Variants in MAD1L1 observed in about 807,000 individuals in gnomAD.
The protein encoded by MAD1L1 is mitotic arrest deficient 1 like 1, also known as mitotic spindle assembly checkpoint protein MAD1.
In MAD1L1, 95 loss-of-function variants were observed where a neutral mutation model predicts 96.9. That is an observed-to-expected ratio of 0.98 (90% CI 0.83 to 1.16). MAD1L1 has a LOEUF of 1.16. Among genes scored for constraint, MAD1L1 ranks in the 50% most tolerant of loss-of-function variants. The pLI is 0.00. For missense variants in MAD1L1, 1,007 were observed against 954.4 expected (o/e 1.06, Z -0.73); for synonymous variants, 473 against 396.6 (o/e 1.19, Z -2.29).
chr7:2,010,335 C>T (rs937302543), intron 13 of MAD1L1, among the ~76,000 whole-genome samples: 2 of 152,152 alleles, frequency 1.3e-5, no homozygotes, highest in Non-Finnish European at 2.9e-5. Flanking sequence ...ACGGCCACTT[C>T]TGCCTAAATC....
At chr7:2,120,666 C>G (rs1028188406) in intron 11 of MAD1L1, among the ~76,000 whole-genome samples, 3 of 152,204 alleles carry the variant, frequency 2.0e-5, no homozygotes, top group African/African-American at 7.2e-5. Context: ...AACACAAAAC[C>G]AAGGCGTTTC....
intron 18 of MAD1L1, among the ~76,000 whole-genome samples, chr7:1,827,695 G>A (rs1429377739): frequency 3.9e-5 from 3 of 76,368 alleles, no homozygotes; most frequent in African/African-American, 8.1e-5. Flanking sequence ...TCCTGAGCCC[G>A]TCCCGGGTGT....
chr7:2,198,990 T>C (rs1469225905), intron 10 of MAD1L1, among the ~76,000 whole-genome samples: 1 of 152,014 alleles, frequency 6.6e-6, no homozygotes, highest in Non-Finnish European at 1.5e-5. Flanking sequence ...GGTCAGGCAG[T>C]GGGATCCCCC....
chr7:2,007,652 C>A (rs866138729), intron 13 of MAD1L1, among the ~76,000 whole-genome samples: 3 of 152,172 alleles, frequency 2.0e-5, no homozygotes, highest in African/African-American at 2.4e-5. Context: ...CCAGCCCGGG[C>A]GACTGAGCGA....
intron 18 of MAD1L1, among the ~76,000 whole-genome samples, chr7:1,864,579 G>A (rs1381409083): frequency 6.6e-6 from 1 of 152,218 alleles, no homozygotes; most frequent in Non-Finnish European, 1.5e-5. Flanking sequence ...ACATCCACAC[G>A]AGCTGATGCC....
At chr7:1,989,783 C>T (rs938717680) in intron 14 of MAD1L1, among the ~76,000 whole-genome samples, 5 of 152,220 alleles carry the variant, frequency 3.3e-5, no homozygotes, top group Non-Finnish European at 5.9e-5. Flanking sequence ...GGCCCAGCCT[C>T]AGTGTAGGCC....
chr7:1,824,422 G>A (rs149020949), intron 18 of MAD1L1, among the ~76,000 whole-genome samples: 1,753 of 152,286 alleles, frequency 0.012, 19 homozygotes, highest in South Asian at 0.025. Context: ...AAAATCACCG[G>A]GCTCAGGGGA....
rs563403110 is a variant in MAD1L1 at position 1,994,019 on chromosome 7, C to G, written c.1416+8046G>C. ...GGGGTCAGCCTGCCTGGGTGTGAACCCTGGAGCACTCTCCACCACTGCCGG... is the reference window on the plus strand; with the variant it reads ...GGGGTCAGCCTGCCTGGGTGTGAACGCTGGAGCACTCTCCACCACTGCCGG... On this transcript the variant is annotated intron_variant, in intron 14 of 18. Coordinates refer to ENST00000265854, the MANE Select transcript of MAD1L1 (RefSeq NM_001013836.2). 2.6e-5 allele frequency among the ~76,000 whole-genome samples: 4 copies of G among 152,344 alleles called. No individual in the cohort carries two copies. In the East Asian group the frequency reaches 5.8e-4, roughly 22 times the overall value.
rs770561414 is a variant in MAD1L1 at position 2,216,187 on chromosome 7, T to C, written c.779A>G (p.Lys260Arg). 8 of 1,613,622 alleles carry C rather than the reference T, an allele frequency of 5.0e-6. No homozygotes were observed. The African/African-American group carries it at 1.1e-4, about 22-fold the overall frequency. Residue 260 changes from lysine to arginine, a missense_variant, in exon 8 of 19, where the codon AAG becomes AGG. Physicochemically the swap from Lys to Arg is conservative, Grantham distance 26. Coordinates refer to ENST00000265854, the MANE Select transcript of MAD1L1 (RefSeq NM_001013836.2). ...GTGCGCGCTCTCCTCCCGCAGCTGC[T>C]TCAGCTCCCGTTCCAGCCTAGGGAG... ...VRLPRLEREL[K>R]QLREESAHLR...
intron 18 of MAD1L1, 151 bp downstream of exon 18, chr7:1,898,049 G>T: frequency 1.2e-6 from 1 of 807,094 alleles, no homozygotes; most frequent in Admixed American, 2.1e-5. Context: ...GGGGTGACGA[G>T]GACGGGCCAG....
intron 4 of MAD1L1, among the ~76,000 whole-genome samples, chr7:2,224,924 A>G (rs1255160847): frequency 6.6e-6 from 1 of 152,064 alleles, no homozygotes; most frequent in Non-Finnish European, 1.5e-5. Context: ...GATCCACCCC[A>G]TGACCTCCTA....
chr7:1,972,904 C>T (rs908078386), intron 15 of MAD1L1, among the ~76,000 whole-genome samples: 3 of 152,204 alleles, frequency 2.0e-5, no homozygotes, highest in Non-Finnish European at 4.4e-5. Flanking sequence ...AGACCTCCTC[C>T]CCCACACGGG....
At chr7:1,913,913 G>A (rs1295512103) in intron 17 of MAD1L1, among the ~76,000 whole-genome samples, 1 of 152,144 alleles carries the variant, frequency 6.6e-6, no homozygotes, top group Non-Finnish European at 1.5e-5. Flanking sequence ...CCTGGGCCCT[G>A]CTTGGAGTCC....
At position 1,937,690 on chromosome 7, in the gene MAD1L1, A is replaced by G. The variant is rs373735514; in HGVS notation, c.1597-793T>C. On this transcript the variant is annotated intron_variant, in intron 16 of 18. Transcript: ENST00000265854. ...CGACCTCACGCCACACACAAACATC[A>G]GCCGCCCACAGCAGGGAGGTGCAGG... Among the ~76,000 whole-genome samples the G allele has an allele frequency of 2.6e-4, 35 of 135,228 alleles. No individual in the cohort carries two copies. The South Asian group carries it at 9.2e-3, about 36-fold the overall frequency. 88.7% of individuals were successfully genotyped at this position (135,228 alleles called of 152,430 possible).
chr7:2,030,307 C>T (rs1172551890), intron 12 of MAD1L1, among the ~76,000 whole-genome samples: 1 of 152,230 alleles, frequency 6.6e-6, no homozygotes, highest in Non-Finnish European at 1.5e-5. Context: ...AAACTCATTA[C>T]CTTGCTAACT....
chr7:2,037,207 C>CTT (rs11332091), intron 12 of MAD1L1, among the ~76,000 whole-genome samples: 5 of 133,138 alleles, frequency 3.8e-5, no homozygotes, highest in Non-Finnish European at 5.0e-5. Flanking sequence ...ATAGACTCTT[C>CTT]TTTTTTTTTT....
chr7:2,073,641 C>T (rs868487540), intron 11 of MAD1L1, among the ~76,000 whole-genome samples: 2 of 152,196 alleles, frequency 1.3e-5, no homozygotes, highest in Non-Finnish European at 2.9e-5. Flanking sequence ...CCTTACAGAC[C>T]CGGTCTGAGG....
At chr7:2,010,958 T>A (rs945105631) in intron 13 of MAD1L1, among the ~76,000 whole-genome samples, 8 of 151,768 alleles carry the variant, frequency 5.3e-5, no homozygotes, top group African/African-American at 1.7e-4. Context: ...ACAGGAACTA[T>A]CAGACATGCG....
rs112725621 is a variant in MAD1L1 at position 2,157,127 on chromosome 7, C to T, written c.987-7889G>A. On this transcript the variant is annotated intron_variant, in intron 10 of 18. Coordinates refer to ENST00000265854, the MANE Select transcript of MAD1L1 (RefSeq NM_001013836.2). ...AACTGCATGACACCTTTGGCTTCTA[C>T]GTAGGACAAGGTTATGGACTTTTGA... Among the ~76,000 whole-genome samples, 134 of 152,308 alleles carry T rather than the reference C, an allele frequency of 8.8e-4. 1 individual carries two copies. The highest frequency in any genetic ancestry group is 3.2e-3 in the African/African-American group (132 of 41,576).
Sources: allele counts gnomAD v4.1 joint callset (sites outside exome capture counted in the v4.1 genomes callset), GRCh38; gene constraint gnomAD v4.1.1; transcripts MANE v1.5; gene names NCBI Gene and HGNC (gene_info 2026-07-23, HGNC 2026-07-21).